NTNG1: variants seen among roughly 807,000 people sequenced by gnomAD.
NTNG1 encodes the protein netrin G1, also known as netrin-G1.
Under a neutral mutation model 54.0 loss-of-function variants are expected in NTNG1, and 16 were observed. The ratio of observed to expected loss-of-function variants is 0.30; its 90% CI spans 0.20 to 0.45. The LOEUF is 0.45. Among genes scored for constraint, NTNG1 ranks in the 20% least tolerant of loss-of-function variants. The pLI is 1.00. For missense variants in NTNG1, 530 were observed against 678.7 expected (o/e 0.78, Z 2.43); for synonymous variants, 255 against 263.1 (o/e 0.97, Z 0.30).
intron 2 of NTNG1, among the ~76,000 whole-genome samples, chr1:107,278,247 A>T (rs1245405603): frequency 6.6e-6 from 1 of 152,238 alleles, no homozygotes; most frequent in African/African-American, 2.4e-5. Flanking sequence ...TCTCTCAATT[A>T]TCTCTTAGAG....
In NTNG1 at chr1:107,359,516, TC is replaced by T. The variant is rs952301287; in HGVS notation, c.887+34595del. On this transcript the variant is annotated intron_variant, in intron 3 of 7. Coordinates refer to ENST00000370068, the MANE Select transcript of NTNG1 (RefSeq NM_001113226.3). ...TAACCTATTCATACCTATAGGATGA[TC>T]ATTTCTCTGGAAATTGCCCCTATCT... is the stretch of plus-strand genomic sequence containing the variant. Among the ~76,000 whole-genome samples the T allele has an allele frequency of 9.2e-5, 14 of 152,256 alleles. 1 individual carries two copies. The East Asian group carries it at 1.9e-3, about 21-fold the overall frequency.
chr1:107,469,120 G>T (rs1442069185), intron 7 of NTNG1, among the ~76,000 whole-genome samples: 2 of 141,892 alleles, frequency 1.4e-5, no homozygotes, highest in East Asian at 4.0e-4. Context: ...AAAAAACAAC[G>T]AAAGGAGCGT....
At chr1:107,212,848 T>C (rs1443345160) in intron 2 of NTNG1, among the ~76,000 whole-genome samples, 1 of 152,046 alleles carries the variant, frequency 6.6e-6, no homozygotes, top group Non-Finnish European at 1.5e-5. Context: ...TTGTGCTCAG[T>C]ATATATCCAG....
intron 7 of NTNG1, among the ~76,000 whole-genome samples, chr1:107,447,489 T>C (rs1676376802): frequency 6.6e-6 from 1 of 152,112 alleles, no homozygotes; most frequent in African/African-American, 2.4e-5. Context: ...TTCTTTCTAA[T>C]TAAATGAAAA....
chr1:107,464,512 A>C (rs908674256), intron 7 of NTNG1, among the ~76,000 whole-genome samples: 1 of 152,206 alleles, frequency 6.6e-6, no homozygotes, highest in Non-Finnish European at 1.5e-5. Context: ...CTACGGAACG[A>C]AGGGTGAATG....
chr1:107,305,818 G>A (rs1228320498), intron 2 of NTNG1, among the ~76,000 whole-genome samples: 1 of 152,114 alleles, frequency 6.6e-6, no homozygotes, highest in African/African-American at 2.4e-5. Flanking sequence ...CTTTGCCCAT[G>A]CCTATATCCA....
chr1:107,479,439 G>C (rs1461553823), intron 7 of NTNG1, among the ~76,000 whole-genome samples: 2 of 152,172 alleles, frequency 1.3e-5, no homozygotes, highest in Non-Finnish European at 2.9e-5. Flanking sequence ...TGTGTAGTGT[G>C]TTGAACTCAT....
chr1:107,377,046 G>T (rs1671324988), intron 3 of NTNG1, among the ~76,000 whole-genome samples: 1 of 152,206 alleles, frequency 6.6e-6, no homozygotes, highest in Admixed American at 6.5e-5. Flanking sequence ...GATATGTGTG[G>T]CTTCAGGGTC....
At chr1:107,386,165 A>ATTTTTT (rs71098628) in intron 3 of NTNG1, among the ~76,000 whole-genome samples, 1 of 120,774 alleles carries the variant, frequency 8.3e-6, no homozygotes, top group Non-Finnish European at 1.8e-5. Flanking sequence ...ATATATATAT[A>ATTTTTT]TTTTTTTTTT....
intron 5 of NTNG1, among the ~76,000 whole-genome samples, chr1:107,412,930 A>G (rs528214598): frequency 2.6e-5 from 4 of 152,170 alleles, no homozygotes; most frequent in Admixed American, 1.3e-4. Context: ...GTTGCTTATA[A>G]CAAAATAAAA....
intron 2 of NTNG1, among the ~76,000 whole-genome samples, chr1:107,311,482 T>C (rs1476924259): frequency 2.6e-5 from 4 of 152,158 alleles, no homozygotes; most frequent in African/African-American, 7.2e-5. Context: ...CCCCAGTAAC[T>C]ATATCAATCA....
chr1:107,162,147 C>T (rs1655454457), intron 2 of NTNG1, among the ~76,000 whole-genome samples: 1 of 152,116 alleles, frequency 6.6e-6, no homozygotes, highest in South Asian at 2.1e-4. Flanking sequence ...AGCCACTCTA[C>T]AAGAAATATC....
intron 2 of NTNG1, among the ~76,000 whole-genome samples, chr1:107,315,324 C>T (rs756589886): frequency 1.1e-4 from 16 of 152,162 alleles, no homozygotes; most frequent in Admixed American, 2.0e-4. Flanking sequence ...CTACGGGTTG[C>T]TCTGCTTCTG....
chr1:107,368,261 C>G (rs2100981182), intron 3 of NTNG1, among the ~76,000 whole-genome samples: 1 of 151,798 alleles, frequency 6.6e-6, no homozygotes, highest in Middle Eastern at 3.4e-3. Context: ...CAACATGAAT[C>G]TAAATGTGTG....
At chr1:107,161,325 A>T (rs1026845005) in intron 2 of NTNG1, among the ~76,000 whole-genome samples, 6 of 152,180 alleles carry the variant, frequency 3.9e-5, no homozygotes, top group African/African-American at 4.8e-5. Flanking sequence ...TCAATTAAAA[A>T]TATTTTAAGG....
At chr1:107,390,737 G>C (rs746100435) in intron 3 of NTNG1, among the ~76,000 whole-genome samples, 1 of 152,050 alleles carries the variant, frequency 6.6e-6, no homozygotes, top group Non-Finnish European at 1.5e-5. Flanking sequence ...TGTCTTAATC[G>C]TCTAAGTTTT....
chr1:107,352,960 G>C (rs1394358151), intron 3 of NTNG1, among the ~76,000 whole-genome samples: 2 of 152,208 alleles, frequency 1.3e-5, no homozygotes, highest in Non-Finnish European at 2.9e-5. Context: ...TGTGCAAGGT[G>C]GTGGGGCACT....
intron 2 of NTNG1, among the ~76,000 whole-genome samples, chr1:107,166,406 G>A (rs1448179003): frequency 2.0e-5 from 3 of 151,882 alleles, no homozygotes; most frequent in African/African-American, 4.8e-5. Context: ...TACTACCATC[G>A]TTTCTTATAC....
intron 2 of NTNG1, among the ~76,000 whole-genome samples, chr1:107,237,012 A>G (rs192717040): frequency 5.6e-4 from 86 of 152,340 alleles, no homozygotes; most frequent in African/African-American, 2.0e-3. Flanking sequence ...ACTAGGTAAC[A>G]GGCAGAGATT....
Sources: gnomAD v4.1 joint callset for allele counts (sites outside exome capture counted in the v4.1 genomes callset) on GRCh38, gnomAD v4.1.1 for gene constraint, MANE v1.5 for transcripts, NCBI Gene and HGNC (gene_info 2026-07-23, HGNC 2026-07-21) for gene names.